Variants in ASTN1 observed in about 807,000 individuals in gnomAD.
ASTN1 encodes the protein astrotactin 1.
In ASTN1, 41 loss-of-function variants were observed where a neutral mutation model predicts 140.7. That is an observed-to-expected ratio of 0.29 (90% CI 0.23 to 0.38). The LOEUF is 0.38. Among genes scored for constraint, ASTN1 ranks in the 10% least tolerant of loss-of-function variants. The probability of loss-of-function intolerance (pLI) is 1.00; values close to 1 mark genes in which losing one functional copy is unlikely to be tolerated. For synonymous variants in ASTN1, 640 were observed against 652.2 expected (o/e 0.98, Z 0.29); for missense variants, 1,479 against 1,678.8 (o/e 0.88, Z 2.08).
intron 15 of ASTN1, among the ~76,000 whole-genome samples, chr1:176,935,653 C>A (rs376555844): frequency 6.6e-6 from 1 of 152,176 alleles, no homozygotes. Flanking sequence ...GGCCCTAAGG[C>A]TCTACCTCCC....
chr1:177,086,043 T>C (rs534062138), intron 1 of ASTN1, among the ~76,000 whole-genome samples: 2 of 152,272 alleles, frequency 1.3e-5, no homozygotes, highest in African/African-American at 4.8e-5. Context: ...GCAGAGCCCA[T>C]TTTATGTTCC....
intron 8 of ASTN1, among the ~76,000 whole-genome samples, chr1:177,000,664 C>A (rs922748983): frequency 3.9e-5 from 6 of 152,200 alleles, no homozygotes; most frequent in African/African-American, 1.4e-4. Context: ...AGTAGGAAAT[C>A]AGCATATTCT....
chr1:177,084,836 C>G (rs1240265893), intron 1 of ASTN1, among the ~76,000 whole-genome samples: 2 of 151,980 alleles, frequency 1.3e-5, no homozygotes, highest in Admixed American at 1.3e-4. Context: ...AATTGTCCAA[C>G]CCTTAAAACA....
intron 16 of ASTN1, among the ~76,000 whole-genome samples, chr1:176,904,299 C>T (rs1010197802): frequency 8.2e-5 from 12 of 146,364 alleles, no homozygotes; most frequent in African/African-American, 3.1e-4. Context: ...AAAAGAAGTT[C>T]CCGGCTCCAT....
chr1:176,926,838 G>C (rs747344756), intron 16 of ASTN1, among the ~76,000 whole-genome samples: 23 of 152,206 alleles, frequency 1.5e-4, no homozygotes, highest in Admixed American at 2.6e-4. Flanking sequence ...AATGAAGCAA[G>C]TTAGCCTAAG....
chr1:177,055,652 C>T (rs1012474009), intron 2 of ASTN1, among the ~76,000 whole-genome samples: 1 of 152,194 alleles, frequency 6.6e-6, no homozygotes, highest in African/African-American at 2.4e-5. Context: ...TGAATCAAGA[C>T]TTGTCTTTTT....
intron 16 of ASTN1, among the ~76,000 whole-genome samples, chr1:176,923,707 T>C (rs1014121830): frequency 7.2e-5 from 11 of 152,120 alleles, no homozygotes; most frequent in African/African-American, 2.7e-4. Flanking sequence ...ACCTAGTATA[T>C]GTAGGGTTCA....
At chr1:177,029,062 G>A (rs995171888) in intron 5 of ASTN1, among the ~76,000 whole-genome samples, 7 of 152,170 alleles carry the variant, frequency 4.6e-5, no homozygotes, top group Admixed American at 1.3e-4. Flanking sequence ...CTCTGTCCAC[G>A]TGGAGGAGAA....
chr1:177,060,067 T>C (rs898570793), intron 2 of ASTN1, among the ~76,000 whole-genome samples: 1 of 152,196 alleles, frequency 6.6e-6, no homozygotes, highest in African/African-American at 2.4e-5. Flanking sequence ...AAATATTAAT[T>C]AAGTATCAAC....
At chr1:177,030,382 T>C (rs1279930653) in intron 4 of ASTN1, among the ~76,000 whole-genome samples, 1 of 152,182 alleles carries the variant, frequency 6.6e-6, no homozygotes, top group Non-Finnish European at 1.5e-5. Context: ...ATTTAATAGA[T>C]GGGTGGGCAA....
In ASTN1 at chr1:176,949,037, T is replaced by TC. The variant is rs1672074591; in HGVS notation, c.2054+147dup. 25 of 1,145,940 alleles carry TC rather than the reference T, an allele frequency of 2.2e-5. 1 individual carries two copies. Among genetic ancestry groups the TC allele is most frequent in the East Asian group, 7.3e-5 (3 of 41,304 alleles). 71.0% of individuals were successfully genotyped at this position (1,145,940 alleles called of 1,614,324 possible). On this transcript the variant is annotated intron_variant, in intron 12 of 22. Coordinates refer to ENST00000361833, the MANE Select transcript of ASTN1 (RefSeq NM_004319.3). ...TGTTCCCCCTCGACTTTAAAAATGT[T>TC]CCCCCCCAAGTCCTAGAGGCTCTTT...
In ASTN1 at chr1:177,027,684, T is replaced by C. The variant is rs187825596; in HGVS notation, c.1120+1950A>G. ...TTACTGAAATGCCCTTATCCTAGAC[T>C]TCTTCTCCTCTTTTGAGAAACCCAG... On this transcript the variant is annotated intron_variant, in intron 5 of 22. Coordinates refer to ENST00000361833, the MANE Select transcript of ASTN1 (RefSeq NM_004319.3). 2.9e-4 allele frequency among the ~76,000 whole-genome samples: 43 copies of C among 150,732 alleles called. 1 individual carries two copies. In the Middle Eastern group the frequency reaches 0.021, roughly 72 times the overall value.
At chr1:176,984,238 T>TC (rs1242317457) in intron 8 of ASTN1, among the ~76,000 whole-genome samples, 2 of 152,228 alleles carry the variant, frequency 1.3e-5, no homozygotes, top group Admixed American at 6.5e-5. Context: ...GTTCAGTAAT[T>TC]GTTCAGTACA....
At chr1:176,962,686 C>T (rs1672718531) in intron 9 of ASTN1, among the ~76,000 whole-genome samples, 1 of 152,174 alleles carries the variant, frequency 6.6e-6, no homozygotes, top group African/African-American at 2.4e-5. Flanking sequence ...TTCAACCTGG[C>T]TTCAGGTTAG....
At chr1:176,940,599 G>T (rs563649195) in intron 14 of ASTN1, among the ~76,000 whole-genome samples, 8 of 152,218 alleles carry the variant, frequency 5.3e-5, no homozygotes, top group Non-Finnish European at 8.8e-5. Context: ...CTGCCTTTGA[G>T]TCTCTGCCAA....
At chr1:177,036,036 CTTTTTTTTTTTTTTTT>C (rs869200407) in intron 2 of ASTN1, among the ~76,000 whole-genome samples, 1 of 78,788 alleles carries the variant, frequency 1.3e-5, no homozygotes, top group African/African-American at 5.5e-5. Flanking sequence ...CCTCAGCTTT[CTTTTTTTTTTTTTTTT>C]TTTTTTTTTT....
At chr1:177,138,007 C>T (rs1682280506) in intron 1 of ASTN1, among the ~76,000 whole-genome samples, 1 of 151,996 alleles carries the variant, frequency 6.6e-6, no homozygotes, top group Non-Finnish European at 1.5e-5. Flanking sequence ...GAAATACGGC[C>T]CTCTAGAGGC....
intron 11 of ASTN1, among the ~76,000 whole-genome samples, chr1:176,950,235 C>A (rs1368766007): frequency 1.3e-5 from 2 of 152,182 alleles, no homozygotes; most frequent in Non-Finnish European, 1.5e-5. Context: ...CCTCACAACA[C>A]CCCCAGGAGG....
At chr1:177,076,278 CAAA>C (rs1171864161) in intron 1 of ASTN1, among the ~76,000 whole-genome samples, 3 of 77,748 alleles carry the variant, frequency 3.9e-5, no homozygotes, top group Admixed American at 1.5e-4. Context: ...GACTATGTCT[CAAA>C]AAAAAAAAAA....
Sources: allele counts gnomAD v4.1 joint callset (sites outside exome capture counted in the v4.1 genomes callset), GRCh38; gene constraint gnomAD v4.1.1; transcripts MANE v1.5; gene names NCBI Gene and HGNC (gene_info 2026-07-23, HGNC 2026-07-21).